The following NEDD9 variants were observed in gnomAD, a reference collection of about 807,000 sequenced individuals.
NEDD9 encodes the protein neural precursor cell expressed, developmentally down-regulated 9, also known as enhancer of filamentation 1.
NEDD9 carries 26 observed loss-of-function variants against 76.6 expected under a neutral mutation model. The observed-to-expected ratio is 0.34, with a 90% CI of 0.25 to 0.47. The LOEUF is 0.47. Among genes scored for constraint, NEDD9 ranks in the 20% least tolerant of loss-of-function variants. NEDD9 has a pLI of 1.00. For synonymous variants in NEDD9, 392 were observed against 414.2 expected, an observed-to-expected ratio of 0.95 and a Z score of 0.65; for missense variants, 937 against 1,058.5, an observed-to-expected ratio of 0.89 and a Z score of 1.59.
At chr6:11,337,399 T>A (rs1762184139) in intron 1 of NEDD9, among the ~76,000 whole-genome samples, 1 of 152,160 alleles carries the variant, frequency 6.6e-6, no homozygotes, top group African/African-American at 2.4e-5. Context: ...CATCAAATAT[T>A]ATAGACTGTA....
chr6:11,357,350 A>T (rs1300221177), intron 1 of NEDD9, among the ~76,000 whole-genome samples: 1 of 152,172 alleles, frequency 6.6e-6, no homozygotes, highest in Non-Finnish European at 1.5e-5. Flanking sequence ...CCACAGCGGC[A>T]GGCAGCTTGG....
At chr6:11,374,813 G>A (rs921945146) in intron 1 of NEDD9, among the ~76,000 whole-genome samples, 23 of 152,208 alleles carry the variant, frequency 1.5e-4, no homozygotes, top group African/African-American at 5.5e-4. Context: ...TTATCTGGAG[G>A]GGAAGTGACA....
chr6:11,249,710 C>A (rs1052317377), intron 3 of NEDD9, among the ~76,000 whole-genome samples: 15 of 152,188 alleles, frequency 9.9e-5, no homozygotes, highest in Non-Finnish European at 1.3e-4. Flanking sequence ...GTAGATGCTC[C>A]ATAACTGTTT....
chr6:11,207,348 GTGTGTATGTGTA>G (rs903709514), intron 2 of NEDD9: 5 of 152,226 alleles, frequency 3.3e-5, no homozygotes, highest in Admixed American at 6.5e-5. Flanking sequence ...GTGTCTGTGT[GTGTGTATGTGTA>G]TGTGTATGTA....
chr6:11,257,191 G>T (rs1370512726), intron 3 of NEDD9, among the ~76,000 whole-genome samples: 1 of 152,172 alleles, frequency 6.6e-6, no homozygotes, highest in Non-Finnish European at 1.5e-5. Context: ...ATTCTGGGCT[G>T]GATAATTCTT....
chr6:11,226,146 CT>C (rs1759302355), intron 1 of NEDD9, among the ~76,000 whole-genome samples: 1 of 152,192 alleles, frequency 6.6e-6, no homozygotes, highest in African/African-American at 2.4e-5. Flanking sequence ...GTCATGTTCC[CT>C]AGCTGTGTGG....
At chr6:11,382,193 C>T (rs1295664728) in exon 1 of NEDD9, 1 of 152,290 alleles carries the variant, frequency 6.6e-6, no homozygotes, top group Non-Finnish European at 1.5e-5. Context: ...ACGCTCTGGC[C>T]CTCTCTGGGC....
chr6:11,199,885 G>A (rs1428401949), intron 2 of NEDD9: 2 of 154,092 alleles, frequency 1.3e-5, no homozygotes, highest in Non-Finnish European at 2.9e-5. Context: ...GTGTTAGCCA[G>A]GACGATCTCG....
chr6:11,274,020 C>T (rs185823149), intron 3 of NEDD9, among the ~76,000 whole-genome samples: 12 of 152,272 alleles, frequency 7.9e-5, no homozygotes, highest in Admixed American at 3.3e-4. Flanking sequence ...GAACATGCTA[C>T]GAGATACTGT....
chr6:11,191,298 T>C, intron 4 of NEDD9, 93 bp from the exon 5 acceptor site: 1 of 1,373,780 alleles, frequency 7.3e-7, no homozygotes, highest in Non-Finnish European at 9.7e-7. Flanking sequence ...CTGGCACTTT[T>C]TCGGTCGCCC....
intron 2 of NEDD9, chr6:11,200,792 G>A (rs1051777253): frequency 1.3e-4 from 182 of 1,432,632 alleles, no homozygotes; most frequent in Middle Eastern, 5.0e-4. Flanking sequence ...TCTGCTGTTC[G>A]TATCAGTATT....
At chr6:11,368,302 A>G (rs573280133) in intron 1 of NEDD9, among the ~76,000 whole-genome samples, 3 of 152,384 alleles carry the variant, frequency 2.0e-5, no homozygotes, top group South Asian at 2.1e-4. Flanking sequence ...TAATCTATCA[A>G]CTATATTTAT....
intron 2 of NEDD9, among the ~76,000 whole-genome samples, chr6:11,324,986 AT>A (rs1383478265): frequency 6.6e-6 from 1 of 152,262 alleles, no homozygotes; most frequent in East Asian, 1.9e-4. Flanking sequence ...AAATAGAAAG[AT>A]AAGGCAACCC....
chr6:11,214,308 A>G (rs1256473439), intron 1 of NEDD9: 1 of 459,760 alleles, frequency 2.2e-6, no homozygotes, highest in African/African-American at 2.0e-5. Flanking sequence ...AGAATCCACA[A>G]GCAAGGCATG....
At chr6:11,250,041 C>T (rs1422640532) in intron 3 of NEDD9, among the ~76,000 whole-genome samples, 1 of 152,230 alleles carries the variant, frequency 6.6e-6, no homozygotes, top group Admixed American at 6.5e-5. Flanking sequence ...AGCTCCCCCA[C>T]TGCCTGTCAC....
intron 3 of NEDD9, among the ~76,000 whole-genome samples, chr6:11,274,703 T>G (rs1760383221): frequency 6.6e-6 from 1 of 152,124 alleles, no homozygotes; most frequent in Admixed American, 6.5e-5. Context: ...AAATAAAGCA[T>G]GAAAAAACCA....
intron 5 of NEDD9, among the ~76,000 whole-genome samples, chr6:11,189,751 G>A (rs142453831): frequency 2.6e-4 from 39 of 152,270 alleles, no homozygotes; most frequent in African/African-American, 7.7e-4. Context: ...CACAGTAAAC[G>A]TCAGAGAAAG....
chr6:11,237,857 G>T lies in NEDD9; in HGVS notation c.13-24130C>A, dbSNP rs1356487219. ...TATAGATCTTTCCACATCTACAGGGGAACAATCTGGAAGCTGAGTGAGTGC... is the reference window on the plus strand; with the variant it reads ...TATAGATCTTTCCACATCTACAGGGTAACAATCTGGAAGCTGAGTGAGTGC... On this transcript the variant is annotated intron_variant, in intron 3 of 3. Transcript: ENST00000397378. The surrounding 1 kb of genome is among the most constrained non-coding windows in gnomAD (Gnocchi z 4.9). Among the ~76,000 whole-genome samples, 2 of 152,170 alleles carry T rather than the reference G, an allele frequency of 1.3e-5. No homozygotes were observed. The highest frequency in any genetic ancestry group is 2.9e-5 in the Non-Finnish European group (2 of 68,040).
At chr6:11,291,241 A>T (rs1433275578) in intron 3 of NEDD9, among the ~76,000 whole-genome samples, 1 of 150,580 alleles carries the variant, frequency 6.6e-6, no homozygotes, top group Admixed American at 6.6e-5. Flanking sequence ...AGGGAATGGC[A>T]GAGCACAGGG....
Sources: allele counts gnomAD v4.1 joint callset (sites outside exome capture counted in the v4.1 genomes callset), GRCh38; gene constraint gnomAD v4.1.1; non-coding constraint Gnocchi (gnomAD v3.1); transcripts MANE v1.5; gene names NCBI Gene and HGNC (gene_info 2026-07-23, HGNC 2026-07-21).